The following PHLDB2 variants were observed in gnomAD, a reference collection of about 807,000 sequenced individuals.
PHLDB2 encodes the protein pleckstrin homology like domain family B member 2, also known as pleckstrin homology-like domain family B member 2.
PHLDB2 carries 71 observed loss-of-function variants against 123.6 expected under a neutral mutation model. The ratio of observed to expected loss-of-function variants is 0.57; its 90% CI spans 0.47 to 0.70. The LOEUF (loss-of-function observed/expected upper bound fraction) is 0.70. Ranked by LOEUF, PHLDB2 falls within the 30% of genes least tolerant of loss-of-function variation. The pLI is 0.00. For synonymous variants in PHLDB2, 547 were observed against 541.6 expected (o/e 1.01, Z -0.14); for missense variants, 1,446 against 1,519.5 (o/e 0.95, Z 0.80).
At chr3:111,783,918 G>A (rs935156710) in intron 1 of PHLDB2, among the ~76,000 whole-genome samples, 2 of 152,072 alleles carry the variant, frequency 1.3e-5, no homozygotes, top group African/African-American at 2.4e-5. Context: ...GGTAAACTGA[G>A]GGCTACATAA....
chr3:111,799,069 G>A (rs904052115), intron 1 of PHLDB2, among the ~76,000 whole-genome samples: 2 of 152,192 alleles, frequency 1.3e-5, no homozygotes, highest in African/African-American at 2.4e-5. Context: ...AGTGAAGCAG[G>A]AAGCCCCTTA....
At chr3:111,967,382 A>G (rs2071846609) in intron 14 of PHLDB2, among the ~76,000 whole-genome samples, 1 of 152,210 alleles carries the variant, frequency 6.6e-6, no homozygotes, top group African/African-American at 2.4e-5. Context: ...TTAAAATGGG[A>G]GAGTTGCTGG....
intron 12 of PHLDB2, among the ~76,000 whole-genome samples, chr3:111,961,589 C>T (rs1217928148): frequency 6.6e-6 from 1 of 152,080 alleles, no homozygotes; most frequent in African/African-American, 2.4e-5. Flanking sequence ...TGGATCTTAA[C>T]AAGATTAAAA....
intron 2 of PHLDB2, among the ~76,000 whole-genome samples, chr3:111,909,003 C>G (rs747838967): frequency 5.3e-5 from 8 of 152,066 alleles, no homozygotes; most frequent in African/African-American, 7.2e-5. Context: ...TGTGCAGGTA[C>G]CTCATTCCTC....
At chr3:111,968,236 G>A (rs1012451397) in intron 15 of PHLDB2, among the ~76,000 whole-genome samples, 2 of 152,116 alleles carry the variant, frequency 1.3e-5, no homozygotes, top group East Asian at 3.9e-4. Context: ...GTCCTACTAA[G>A]CCATCTTTTA....
intron 1 of PHLDB2, among the ~76,000 whole-genome samples, chr3:111,755,488 G>A (rs1202823135): frequency 6.6e-4 from 91 of 138,388 alleles, no homozygotes; most frequent in African/African-American, 2.1e-3. Flanking sequence ...CTGTGGGATC[G>A]GTGGTGATAT....
chr3:111,799,665 C>CA (rs2061309649), intron 1 of PHLDB2, among the ~76,000 whole-genome samples: 1 of 152,194 alleles, frequency 6.6e-6, no homozygotes, highest in African/African-American at 2.4e-5. Context: ...ATTATAAAGA[C>CA]TTCCAGCAAT....
intron 1 of PHLDB2, among the ~76,000 whole-genome samples, chr3:111,748,013 A>G (rs2059708490): frequency 6.6e-6 from 1 of 152,196 alleles, no homozygotes; most frequent in South Asian, 2.1e-4. Flanking sequence ...TATGTTGCTC[A>G]GGGTTCTTGG....
chr3:111,771,631 C>A (rs894529249), intron 1 of PHLDB2, among the ~76,000 whole-genome samples: 1 of 152,198 alleles, frequency 6.6e-6, no homozygotes, highest in East Asian at 1.9e-4. Context: ...TGAGCCACTG[C>A]ACCTGGCCAC....
At chr3:111,754,166 G>GT (rs1175344505) in intron 1 of PHLDB2, among the ~76,000 whole-genome samples, 26 of 151,628 alleles carry the variant, frequency 1.7e-4, no homozygotes, top group Admixed American at 2.6e-4. Context: ...ATTTAAAGTA[G>GT]TTTTTTCCAA....
chr3:111,834,220 A>ATATATGTAATAGAAT (rs2063263960), intron 1 of PHLDB2, among the ~76,000 whole-genome samples: 2 of 22,914 alleles, frequency 8.7e-5, no homozygotes, highest in Admixed American at 5.4e-4. Context: ...TAATAGAATT[A>ATATATGTAATAGAAT]TATATATATT....
At chr3:111,953,826 C>T in intron 11 of PHLDB2, 104 bp from the exon 12 acceptor site, 2 of 850,516 alleles carry the variant, frequency 2.4e-6, no homozygotes. Flanking sequence ...ACCTTCTCTG[C>T]CCTGTACACT....
chr3:111,895,695 C>A (rs2066800013), intron 2 of PHLDB2, among the ~76,000 whole-genome samples: 1 of 151,844 alleles, frequency 6.6e-6, no homozygotes, highest in Non-Finnish European at 1.5e-5. Context: ...TAAAAAAATA[C>A]AAAATTAGCC....
rs189002386 is a variant in PHLDB2, at chr3:111,899,876, G to T, written c.1336-13443G>T. ...TCGCCTAGGCCTCCCAAAGTGCTGG[G>T]ATTACAGGAGTGAGCCACTGGCCCA... On this transcript the variant is annotated intron_variant, in intron 2 of 17. Coordinates refer to ENST00000431670, the MANE Select transcript of PHLDB2 (RefSeq NM_001134438.2). Among the ~76,000 whole-genome samples the T allele has an allele frequency of 9.8e-5, 15 of 152,344 alleles. No individual in the cohort carries two copies. In the East Asian group the frequency reaches 2.3e-3, roughly 23 times the overall value.
At position 111,975,660 on chromosome 3, in the gene PHLDB2, GC is replaced by G. The variant is rs1168611518; in HGVS notation, c.*1099del. 1.3e-5 allele frequency: 2 copies of G among 152,440 alleles called. No individual in the cohort carries two copies. The highest frequency in any genetic ancestry group is 3.9e-4 in the East Asian group (2 of 5,192). 9.4% of individuals were successfully genotyped at this position (152,440 alleles called of 1,614,324 possible). ...TATTTTATTTTATTTTTTACAATTAGCCTTTTTTTTAGTTAATTTTTGTCAA... is the reference window on the plus strand; with the variant it reads ...TATTTTATTTTATTTTTTACAATTAGCTTTTTTTTAGTTAATTTTTGTCAA... On this transcript the variant is annotated 3_prime_UTR_variant, in exon 18 of 18. Transcript: ENST00000431670.
intron 5 of PHLDB2, among the ~76,000 whole-genome samples, chr3:111,923,011 A>G (rs79180640): frequency 0.039 from 5,878 of 152,248 alleles, 178 homozygotes; most frequent in Middle Eastern, 0.085. Context: ...GCATGCCAAT[A>G]TTATTATTTT....
intron 1 of PHLDB2, among the ~76,000 whole-genome samples, chr3:111,821,237 C>A (rs1014577306): frequency 6.6e-6 from 1 of 152,186 alleles, no homozygotes; most frequent in Non-Finnish European, 1.5e-5. Flanking sequence ...TCAGACCAGG[C>A]TCATTGTTCT....
intron 1 of PHLDB2, 76 bp downstream of exon 1, chr3:111,859,652 G>A: frequency 1.0e-6 from 1 of 985,188 alleles, no homozygotes; most frequent in Non-Finnish European, 1.2e-6. Flanking sequence ...TCCCGGGGAC[G>A]CTGCCTCCCC....
chr3:111,860,623 C>A (rs2064784841), intron 1 of PHLDB2, among the ~76,000 whole-genome samples: 1 of 152,208 alleles, frequency 6.6e-6, no homozygotes, highest in African/African-American at 2.4e-5. Flanking sequence ...TTTGAAAGAG[C>A]TTGAGAAGTC....
Sources: gnomAD v4.1 joint callset for allele counts (sites outside exome capture counted in the v4.1 genomes callset) on GRCh38, gnomAD v4.1.1 for gene constraint, MANE v1.5 for transcripts, NCBI Gene and HGNC (gene_info 2026-07-23, HGNC 2026-07-21) for gene names.